RGS6: variants seen among roughly 807,000 people sequenced by gnomAD.
RGS6 encodes the protein regulator of G-protein signaling 6.
A neutral mutation model predicts 78.5 loss-of-function variants in RGS6; 30 were observed. The ratio of observed to expected loss-of-function variants is 0.38; its 90% CI spans 0.29 to 0.52. The LOEUF is 0.52. Ranked by LOEUF, RGS6 falls within the 20% of genes least tolerant of loss-of-function variation. RGS6 has a pLI of 0.85. For missense variants in RGS6, 495 were observed against 609.7 expected (o/e 0.81, Z 1.98); for synonymous variants, 206 against 206.0 (o/e 1.00, Z 0.00).
intron 2 of RGS6, among the ~76,000 whole-genome samples, chr14:72,231,935 G>A (rs573570535): frequency 1.3e-5 from 2 of 152,124 alleles, no homozygotes; most frequent in Non-Finnish European, 2.9e-5. Flanking sequence ...GCTGAGTGAG[G>A]TGGCAAGACA....
At chr14:72,387,323 G>C (rs1327652087) in intron 3 of RGS6, among the ~76,000 whole-genome samples, 2 of 152,150 alleles carry the variant, frequency 1.3e-5, no homozygotes, top group Non-Finnish European at 2.9e-5. Context: ...GCCAAGGTGG[G>C]CGGATCACCA....
At chr14:72,555,012 TG>T (rs2097551618) in intron 17 of RGS6, among the ~76,000 whole-genome samples, 2 of 152,304 alleles carry the variant, frequency 1.3e-5, no homozygotes, top group Non-Finnish European at 2.9e-5. Flanking sequence ...GTGATGAGCA[TG>T]GTGAGGCCAG....
At chr14:71,956,013 C>G (rs1372114060) in intron 1 of RGS6, among the ~76,000 whole-genome samples, 3 of 152,170 alleles carry the variant, frequency 2.0e-5, no homozygotes, top group African/African-American at 7.2e-5. Flanking sequence ...GTGAGCTCAT[C>G]AGCTAAGACT....
chr14:72,518,572 G>C, intron 15 of RGS6, 35 bp downstream of exon 15: 1 of 1,592,432 alleles, frequency 6.3e-7, no homozygotes, highest in East Asian at 2.2e-5. Flanking sequence ...GTCATAAGGT[G>C]TTCATTTGTC....
In RGS6 at chr14:71,932,839, T is replaced by G. The variant is rs1594826419; in HGVS notation, c.-123T>G. 6.6e-6 allele frequency: 1 copy of G among 152,260 alleles called. No homozygotes were observed. Among genetic ancestry groups the G allele is most frequent in the African/African-American group, 2.4e-5 (1 of 41,470 alleles). The allele number at this position is 152,260 out of a possible 1,614,324, so 9.4% of individuals were successfully genotyped here. A position where few individuals can be genotyped will look rare whatever the true frequency, so the allele number is the denominator to read the frequency against. ...CCCCCAAGAGGCTGCCGGTCCCCGGTTCCCTGGGCTTCTCCAGCTTTATCA... is the reference window on the plus strand; with the variant it reads ...CCCCCAAGAGGCTGCCGGTCCCCGGGTCCCTGGGCTTCTCCAGCTTTATCA... On this transcript the variant is annotated 5_prime_UTR_variant, in exon 1 of 18. Transcript: ENST00000553525.
At chr14:72,482,631 G>A (rs2096404119) in intron 12 of RGS6, among the ~76,000 whole-genome samples, 1 of 152,192 alleles carries the variant, frequency 6.6e-6, no homozygotes, top group South Asian at 2.1e-4. Flanking sequence ...GATGGCCTCA[G>A]CTGGGACAGT....
intron 2 of RGS6, among the ~76,000 whole-genome samples, chr14:72,288,666 A>T (rs1474457364): frequency 6.6e-6 from 1 of 152,180 alleles, no homozygotes; most frequent in Admixed American, 6.5e-5. Context: ...ATTGAGGGCC[A>T]ATGAGATTTA....
chr14:72,412,850 T>A (rs2093523710), intron 3 of RGS6, among the ~76,000 whole-genome samples: 1 of 152,184 alleles, frequency 6.6e-6, no homozygotes, highest in African/African-American at 2.4e-5. Context: ...AGGAGCAGGT[T>A]GTTCAGTTTC....
intron 2 of RGS6, among the ~76,000 whole-genome samples, chr14:72,282,813 T>G (rs2061807975): frequency 6.6e-6 from 1 of 152,208 alleles, no homozygotes; most frequent in Non-Finnish European, 1.5e-5. Context: ...CTTAACAAAT[T>G]TTTTAAGCGC....
At chr14:72,039,827 T>TG (rs1471845978) in intron 2 of RGS6, among the ~76,000 whole-genome samples, 1 of 149,708 alleles carries the variant, frequency 6.7e-6, no homozygotes, top group Non-Finnish European at 1.5e-5. Flanking sequence ...TTTTTTTTTT[T>TG]TTTTTGGTGA....
At chr14:72,074,868 C>A (rs888194570) in intron 2 of RGS6, among the ~76,000 whole-genome samples, 3 of 152,132 alleles carry the variant, frequency 2.0e-5, no homozygotes, top group African/African-American at 7.2e-5. Context: ...TTCAGAGAAA[C>A]TTTATTCTCA....
At chr14:72,586,752 G>A in the RGS6 span, among the ~76,000 whole-genome samples, 2 of 152,066 alleles carry the variant, frequency 1.3e-5, no homozygotes, top group Non-Finnish European at 2.9e-5. Context: ...CTGATGCCTT[G>A]TCTGCCTTAC....
chr14:71,882,792 G>A, the RGS6 span, among the ~76,000 whole-genome samples: 35 of 152,320 alleles, frequency 2.3e-4, no homozygotes, highest in East Asian at 1.5e-3. Flanking sequence ...ATGTTAATTA[G>A]GATGATTTTT....
chr14:72,263,632 T>C (rs1359160334), intron 2 of RGS6, among the ~76,000 whole-genome samples: 1 of 152,190 alleles, frequency 6.6e-6, no homozygotes, highest in Non-Finnish European at 1.5e-5. Flanking sequence ...TTGGGATTAG[T>C]GCCCTTATCA....
chr14:72,116,963 C>CAAAAAAA (rs56397216), intron 2 of RGS6, among the ~76,000 whole-genome samples: 2 of 78,332 alleles, frequency 2.6e-5, no homozygotes, highest in Non-Finnish European at 4.7e-5. Context: ...GACTCCATCT[C>CAAAAAAA]AAAAAAAAAA....
intron 2 of RGS6, among the ~76,000 whole-genome samples, chr14:72,339,385 A>C (rs376116074): frequency 1.8e-4 from 28 of 152,304 alleles, no homozygotes; most frequent in African/African-American, 6.5e-4. Context: ...TGAGTAATAA[A>C]TTTCTATTGT....
chr14:72,057,267 T>G (rs141010720), intron 2 of RGS6, among the ~76,000 whole-genome samples: 1,832 of 134,576 alleles, frequency 0.014, 38 homozygotes, highest in African/African-American at 0.049. Flanking sequence ...TGAGCTAAGA[T>G]CGTGCCATTG....
chr14:72,476,391 G>C (rs754899111), intron 10 of RGS6, among the ~76,000 whole-genome samples: 6 of 152,218 alleles, frequency 3.9e-5, no homozygotes, highest in Non-Finnish European at 8.8e-5. Flanking sequence ...CAAAGATTCT[G>C]ATGCAGTAAG....
chr14:72,212,263 T>C (rs1296377664), intron 2 of RGS6, among the ~76,000 whole-genome samples: 1 of 152,206 alleles, frequency 6.6e-6, no homozygotes, highest in Non-Finnish European at 1.5e-5. Context: ...TTTGGGGACA[T>C]GACAATGCTA....
Sources: allele counts gnomAD v4.1 joint callset (sites outside exome capture counted in the v4.1 genomes callset), GRCh38; gene constraint gnomAD v4.1.1; transcripts MANE v1.5; gene names NCBI Gene and HGNC (gene_info 2026-07-23, HGNC 2026-07-21).